Variants in SLC6A11 observed in about 807,000 individuals in gnomAD.
SLC6A11 encodes the protein solute carrier family 6 member 11, also known as sodium- and chloride-dependent GABA transporter 3.
A neutral mutation model predicts 74.8 loss-of-function variants in SLC6A11; 25 were observed. The observed-to-expected ratio is 0.33, with a 90% CI of 0.24 to 0.47. The LOEUF is 0.47. SLC6A11 is among the 20% of genes least tolerant of loss of function. The pLI is 1.00. For missense variants in SLC6A11, 574 were observed against 837.0 expected, an observed-to-expected ratio of 0.69 and a Z score of 3.88; for synonymous variants, 330 against 330.2, an observed-to-expected ratio of 1.00 and a Z score of 0.01.
intron 5 of SLC6A11, among the ~76,000 whole-genome samples, chr3:10,873,547 A>ACCC (rs1694861520): frequency 1.3e-5 from 2 of 148,872 alleles, no homozygotes; most frequent in African/African-American, 5.0e-5. Context: ...ATCCTATCCT[A>ACCC]TCCTACCCTA....
intron 5 of SLC6A11, among the ~76,000 whole-genome samples, chr3:10,849,776 G>T (rs77651235): frequency 0.048 from 5,633 of 116,970 alleles, 164 homozygotes; most frequent in Middle Eastern, 0.18. Flanking sequence ...TAGTATCTCT[G>T]TGCATACTTG....
intron 10 of SLC6A11, among the ~76,000 whole-genome samples, chr3:10,932,378 A>C (rs1881368): frequency 0.86 from 131,547 of 152,158 alleles, 57,138 homozygotes; most frequent in Admixed American, 0.9. Context: ...TGGACTCCCT[A>C]CCCTATGGAG....
At chr3:10,907,430 G>A (rs1006849877) in intron 6 of SLC6A11, among the ~76,000 whole-genome samples, 8 of 152,104 alleles carry the variant, frequency 5.3e-5, no homozygotes, top group African/African-American at 1.9e-4. Context: ...ACATACATAC[G>A]AGTCCCCAAA....
At chr3:10,910,341 A>G (rs1047813453) in intron 6 of SLC6A11, among the ~76,000 whole-genome samples, 23 of 152,338 alleles carry the variant, frequency 1.5e-4, no homozygotes, top group African/African-American at 5.5e-4. Context: ...TGGAAAGGAA[A>G]GAGTTCTGGG....
At chr3:10,826,184 C>G (rs1039763204) in intron 4 of SLC6A11, among the ~76,000 whole-genome samples, 1 of 152,278 alleles carries the variant, frequency 6.6e-6, no homozygotes, top group East Asian at 1.9e-4. Context: ...TTTAAATTGC[C>G]TTATAGAGTA....
At chr3:10,832,298 C>G (rs902089132) in intron 4 of SLC6A11, among the ~76,000 whole-genome samples, 17 of 152,052 alleles carry the variant, frequency 1.1e-4, no homozygotes, top group African/African-American at 4.1e-4. Flanking sequence ...TCCTCCCCAC[C>G]AGGGAGGCAC....
chr3:10,934,242 G>GC, intron 12 of SLC6A11, 76 bp downstream of exon 12: 1 of 1,018,924 alleles, frequency 9.8e-7, no homozygotes, highest in Non-Finnish European at 1.5e-6. Context: ...CCACTCCGTA[G>GC]CCCCCACCCT....
chr3:10,930,118 T>C (rs1323848840), intron 10 of SLC6A11, among the ~76,000 whole-genome samples: 2 of 152,216 alleles, frequency 1.3e-5, no homozygotes, highest in Non-Finnish European at 2.9e-5. Context: ...TGATGTAATA[T>C]TGAAGTCAGG....
chr3:10,892,675 G>A (rs973714679), intron 6 of SLC6A11, among the ~76,000 whole-genome samples: 2 of 151,196 alleles, frequency 1.3e-5, no homozygotes, highest in African/African-American at 2.4e-5. Context: ...GCAGTTGTAT[G>A]TGTCTGATTA....
At chr3:10,897,087 A>G (rs1361820344) in intron 6 of SLC6A11, among the ~76,000 whole-genome samples, 2 of 152,168 alleles carry the variant, frequency 1.3e-5, no homozygotes, top group African/African-American at 4.8e-5. Flanking sequence ...AGATTTTGTG[A>G]GACTTATTCA....
At chr3:10,869,193 G>GA (rs748635388) in intron 5 of SLC6A11, among the ~76,000 whole-genome samples, 4 of 152,196 alleles carry the variant, frequency 2.6e-5, no homozygotes, top group Non-Finnish European at 4.4e-5. Flanking sequence ...TACAAGGCAA[G>GA]AAAATTGCTG....
At chr3:10,844,847 C>T (rs1694483737) in intron 5 of SLC6A11, among the ~76,000 whole-genome samples, 1 of 152,158 alleles carries the variant, frequency 6.6e-6, no homozygotes, top group Non-Finnish European at 1.5e-5. Flanking sequence ...CATGCAGCCT[C>T]CAGGGTTGCT....
intron 3 of SLC6A11, 87 bp downstream of exon 3, chr3:10,819,939 C>T: frequency 7.1e-7 from 1 of 1,414,606 alleles, no homozygotes; most frequent in Non-Finnish European, 9.7e-7. Context: ...AGTCCTGGTC[C>T]CTGGCCTCTC....
At chr3:10,884,819 C>T (rs561130452) in intron 6 of SLC6A11, among the ~76,000 whole-genome samples, 1 of 152,340 alleles carries the variant, frequency 6.6e-6, no homozygotes, top group African/African-American at 2.4e-5. Flanking sequence ...AGGCCTGTTA[C>T]CTCTACTTTG....
chr3:10,823,586 G>A (rs542910459), intron 4 of SLC6A11, 194 bp downstream of exon 4: 1 of 551,760 alleles, frequency 1.8e-6, no homozygotes, highest in East Asian at 2.9e-5. Context: ...GCAGCTGAGA[G>A]AAATGTTTTC....
intron 6 of SLC6A11, among the ~76,000 whole-genome samples, chr3:10,886,358 T>A (rs111330105): frequency 4.9e-4 from 75 of 152,278 alleles, no homozygotes; most frequent in African/African-American, 1.7e-3. Context: ...CTGGTCCCTG[T>A]CCCATACAGC....
intron 5 of SLC6A11, among the ~76,000 whole-genome samples, chr3:10,852,015 G>C (rs1004020413): frequency 6.6e-6 from 1 of 152,230 alleles, no homozygotes; most frequent in African/African-American, 2.4e-5. Context: ...GTGTTTAATG[G>C]CTCAATGAGG....
intron 8 of SLC6A11, among the ~76,000 whole-genome samples, chr3:10,922,450 A>T (rs1316156797): frequency 6.6e-6 from 1 of 152,218 alleles, no homozygotes; most frequent in African/African-American, 2.4e-5. Flanking sequence ...GCAGATATCT[A>T]TAGTATCCTA....
chr3:10,819,712 G>A lies in SLC6A11; in HGVS notation c.392G>A (p.Gly131Asp). Residue 131 changes from glycine to aspartate, a missense_variant and splice_region_variant, in exon 3 of 14, where the codon GGC becomes GAC. By Grantham distance (94) the Gly-to-Asp change is moderately conservative. This residue lies in a region of SLC6A11 where 215 missense variants were observed against 357.9 expected (regional missense o/e 0.60). Coordinates refer to ENST00000254488, the MANE Select transcript of SLC6A11 (RefSeq NM_014229.3). ...CWRKVCPLFEGIGYATQVIEA... is the reference protein window; with the variant it reads ...CWRKVCPLFEDIGYATQVIEA... Reference sequence around the variant, plus strand: ...TCCTTCCTTTCTTTTGTCCTTTCAGGCATTGGCTATGCAACACAGGTGATT... The same window carrying A: ...TCCTTCCTTTCTTTTGTCCTTTCAGACATTGGCTATGCAACACAGGTGATT... The A allele has an allele frequency of 6.2e-7, 1 of 1,613,852 alleles. No individual in the cohort carries two copies. The highest frequency in any genetic ancestry group is 8.5e-7 in the Non-Finnish European group (1 of 1,179,930).
Sources: gnomAD v4.1 joint callset for allele counts (sites outside exome capture counted in the v4.1 genomes callset) on GRCh38, gnomAD v4.1.1 for gene constraint, gnomAD v4.1.1 regional missense constraint, MANE v1.5 for transcripts, NCBI Gene and HGNC (gene_info 2026-07-23, HGNC 2026-07-21) for gene names.